GALNT7: variants seen among roughly 807,000 people sequenced by gnomAD.
GALNT7 encodes N-acetylgalactosaminyltransferase 7.
GALNT7 carries 60 observed loss-of-function variants against 82.1 expected under a neutral mutation model. That is an observed-to-expected ratio of 0.73 (90% CI 0.59 to 0.91). GALNT7 has a LOEUF of 0.91. Ranked by LOEUF, GALNT7 falls within the 40% of genes least tolerant of loss-of-function variation. GALNT7 has a pLI of 0.00. For missense variants in GALNT7, 660 were observed against 804.2 expected, an observed-to-expected ratio of 0.82 and a Z score of 2.17; for synonymous variants, 243 against 275.1, an observed-to-expected ratio of 0.88 and a Z score of 1.15.
chr4:173,318,488 GGAGCT>G lies in GALNT7; in HGVS notation c.1768_1772del (p.Ala590TrpfsTer10), dbSNP rs1445234362. 6.3e-7 allele frequency: 1 copy of G among 1,585,406 alleles called. No individual in the cohort carries two copies. Among genetic ancestry groups the G allele is most frequent in the Admixed American group, 1.7e-5 (1 of 59,558 alleles). On this transcript the variant is annotated frameshift_variant, in exon 11 of 12. Transcript: ENST00000265000. LOFTEE classifies it high-confidence loss of function. ...GCAGTATGACCAGTGTTTGACAAAGGGAGCTGATGGATCAAAAGTTATGATTACAC... is the reference window on the plus strand; with the variant it reads ...GCAGTATGACCAGTGTTTGACAAAGGGATGGATCAAAAGTTATGATTACAC...
At chr4:173,186,958 A>G (rs986324519) in intron 1 of GALNT7, among the ~76,000 whole-genome samples, 1 of 151,946 alleles carries the variant, frequency 6.6e-6, no homozygotes, top group African/African-American at 2.4e-5. Context: ...GTAGAGACGG[A>G]TGTTGGCCAG....
intron 1 of GALNT7, among the ~76,000 whole-genome samples, chr4:173,208,691 CCT>C (rs1428712104): frequency 6.6e-6 from 1 of 152,166 alleles, no homozygotes; most frequent in East Asian, 1.9e-4. Context: ...CCGTCTCTTC[CCT>C]GTTACAAGTT....
chr4:173,281,443 G>A (rs1361471829), intron 2 of GALNT7, among the ~76,000 whole-genome samples: 2 of 152,100 alleles, frequency 1.3e-5, no homozygotes, highest in Non-Finnish European at 2.9e-5. Flanking sequence ...ATCCCATAGA[G>A]TTGCCACATG....
chr4:173,209,333 A>T (rs1283893702), intron 1 of GALNT7, among the ~76,000 whole-genome samples: 4 of 152,238 alleles, frequency 2.6e-5, no homozygotes, highest in Non-Finnish European at 5.9e-5. Context: ...CCCACGTCTT[A>T]GCTCTTCGTC....
At chr4:173,310,280 G>A (rs112635933) in intron 8 of GALNT7, among the ~76,000 whole-genome samples, 93 of 152,234 alleles carry the variant, frequency 6.1e-4, no homozygotes, top group African/African-American at 1.8e-3. Flanking sequence ...CTATTTGCCC[G>A]TGAATGAAAC....
chr4:173,303,673 G>A (rs940117636), intron 7 of GALNT7, among the ~76,000 whole-genome samples: 3 of 152,166 alleles, frequency 2.0e-5, no homozygotes, highest in Non-Finnish European at 4.4e-5. Flanking sequence ...AAATATATTA[G>A]CAATGGAAAT....
At chr4:173,268,819 G>GT (rs1490165490) in intron 2 of GALNT7, among the ~76,000 whole-genome samples, 2 of 151,716 alleles carry the variant, frequency 1.3e-5, no homozygotes, top group Non-Finnish European at 2.9e-5. Flanking sequence ...GATTACAGGC[G>GT]TGAGCCACCG....
chr4:173,188,932 CCT>C (rs1037799126), intron 1 of GALNT7, among the ~76,000 whole-genome samples: 2 of 152,186 alleles, frequency 1.3e-5, no homozygotes, highest in African/African-American at 4.8e-5. Context: ...ATATTATTCC[CCT>C]GTCCGCTGCT....
At position 173,178,065 on chromosome 4, in the gene GALNT7, G is replaced by A. The variant is rs1303821060; in HGVS notation, c.126+9104G>A. On this transcript the variant is annotated intron_variant, in intron 1 of 11. Coordinates refer to ENST00000265000, the MANE Select transcript of GALNT7 (RefSeq NM_017423.3). ...TGTGTGTGTGTGTGCGCGCACGCGCGTGCGCACAGACACCTATGTATATAT... is the reference window on the plus strand; with the variant it reads ...TGTGTGTGTGTGTGCGCGCACGCGCATGCGCACAGACACCTATGTATATAT... 1.3e-4 allele frequency among the ~76,000 whole-genome samples: 17 copies of A among 133,584 alleles called. 1 individual carries two copies. The East Asian group carries it at 2.5e-3, about 19-fold the overall frequency. The allele number at this position is 133,584 out of a possible 152,430, so 87.6% of individuals were successfully genotyped here.
At position 173,172,841 on chromosome 4, in the gene GALNT7, A is replaced by G. The variant is rs10027645; in HGVS notation, c.126+3880A>G. Among the ~76,000 whole-genome samples, 474 of 152,300 alleles carry G rather than the reference A, an allele frequency of 3.1e-3. 3 individuals carry two copies. The highest frequency in any genetic ancestry group is 0.011 in the African/African-American group (458 of 41,562). ...GTAGAATGATGCCACACAGGAAAGC[A>G]TGGGTCTCGTAGTCCATGCTAAGGA... is the stretch of plus-strand genomic sequence containing the variant. On this transcript the variant is annotated intron_variant, in intron 1 of 11. Coordinates refer to ENST00000265000, the MANE Select transcript of GALNT7 (RefSeq NM_017423.3).
At chr4:173,210,144 A>G (rs1317413309) in intron 1 of GALNT7, among the ~76,000 whole-genome samples, 1 of 152,134 alleles carries the variant, frequency 6.6e-6, no homozygotes, top group Non-Finnish European at 1.5e-5. Flanking sequence ...AAAAAAAGAA[A>G]AAAAAAAAAA....
chr4:173,244,068 C>A (rs1365968068), intron 1 of GALNT7, among the ~76,000 whole-genome samples: 1 of 152,170 alleles, frequency 6.6e-6, no homozygotes, highest in African/African-American at 2.4e-5. Flanking sequence ...ACTAGGGAAC[C>A]AAATCCAGCC....
chr4:173,229,835 A>G (rs1282923598), intron 1 of GALNT7, among the ~76,000 whole-genome samples: 2 of 152,036 alleles, frequency 1.3e-5, no homozygotes, highest in Non-Finnish European at 1.5e-5. Flanking sequence ...TTCTCTGATA[A>G]ATTGATTTAC....
intron 1 of GALNT7, among the ~76,000 whole-genome samples, chr4:173,235,445 G>T (rs534541311): frequency 6.6e-6 from 1 of 151,992 alleles, no homozygotes; most frequent in Non-Finnish European, 1.5e-5. Context: ...TGCACAACAC[G>T]TTCTCTACCT....
At chr4:173,258,480 A>C (rs1358772524) in intron 2 of GALNT7, among the ~76,000 whole-genome samples, 1 of 152,202 alleles carries the variant, frequency 6.6e-6, no homozygotes, top group Non-Finnish European at 1.5e-5. Context: ...TGTTGCTGTG[A>C]CTGCTGCTTT....
intron 1 of GALNT7, among the ~76,000 whole-genome samples, chr4:173,177,227 G>A (rs1306342970): frequency 6.6e-6 from 1 of 152,154 alleles, no homozygotes; most frequent in Non-Finnish European, 1.5e-5. Flanking sequence ...AGTTCCCCGG[G>A]GATGCTGATG....
intron 1 of GALNT7, among the ~76,000 whole-genome samples, chr4:173,205,497 CT>C (rs1391598554): frequency 6.6e-6 from 1 of 151,766 alleles, no homozygotes; most frequent in African/African-American, 2.4e-5. Context: ...CTCTTGCTGT[CT>C]TTTTTTTATG....
intron 1 of GALNT7, among the ~76,000 whole-genome samples, chr4:173,224,745 G>C (rs1458967594): frequency 5.9e-5 from 9 of 152,014 alleles, no homozygotes; most frequent in South Asian, 2.1e-4. Context: ...GGGCGCGGTG[G>C]CTCACGCCTG....
intron 6 of GALNT7, among the ~76,000 whole-genome samples, chr4:173,298,547 A>ATG (rs1736805751): frequency 6.6e-6 from 1 of 152,220 alleles, no homozygotes; most frequent in African/African-American, 2.4e-5. Flanking sequence ...ATAATGTAAC[A>ATG]TGGCATTTGT....
Sources: allele counts gnomAD v4.1 joint callset (sites outside exome capture counted in the v4.1 genomes callset), GRCh38; gene constraint gnomAD v4.1.1; transcripts MANE v1.5; gene names NCBI Gene and HGNC (gene_info 2026-07-23, HGNC 2026-07-21).